Variants in IPCEF1 observed in about 807,000 individuals in gnomAD.
The protein encoded by IPCEF1 is interactor protein for cytohesin exchange factors 1.
In IPCEF1, 31 loss-of-function variants were observed where a neutral mutation model predicts 50.9. That is an observed-to-expected ratio of 0.61 (90% CI 0.46 to 0.82). The LOEUF is 0.82. Among genes scored for constraint, IPCEF1 ranks in the 40% least tolerant of loss-of-function variants. The pLI is 0.00. For missense variants in IPCEF1, 458 were observed against 514.0 expected (o/e 0.89, Z 1.05); for synonymous variants, 181 against 192.0 (o/e 0.94, Z 0.47).
At chr6:154,345,849 A>G (rs1402220429) in intron 1 of IPCEF1, among the ~76,000 whole-genome samples, 3 of 105,908 alleles carry the variant, frequency 2.8e-5, no homozygotes, top group African/African-American at 9.2e-5. Flanking sequence ...ATACACTTTT[A>G]TCTCATTTTT....
intron 1 of IPCEF1, among the ~76,000 whole-genome samples, chr6:154,341,214 G>A (rs571356086): frequency 6.6e-6 from 1 of 152,326 alleles, no homozygotes; most frequent in South Asian, 2.1e-4. Flanking sequence ...GCCCTAAGCA[G>A]TTTCCAGCTT....
chr6:154,297,762 T>C (rs1039013300), intron 1 of IPCEF1, among the ~76,000 whole-genome samples: 1 of 152,340 alleles, frequency 6.6e-6, no homozygotes, highest in African/African-American at 2.4e-5. Flanking sequence ...CATACAGTTT[T>C]GTGTCTGCAA....
At chr6:154,224,294 T>C (rs1329999604) in intron 5 of IPCEF1, among the ~76,000 whole-genome samples, 2 of 152,234 alleles carry the variant, frequency 1.3e-5, no homozygotes, top group African/African-American at 4.8e-5. Context: ...AGAGTGCAAC[T>C]TGCATTCTTT....
At chr6:154,280,234 G>A (rs141700525) in intron 2 of IPCEF1, among the ~76,000 whole-genome samples, 5 of 152,142 alleles carry the variant, frequency 3.3e-5, no homozygotes, top group Non-Finnish European at 2.9e-5. Flanking sequence ...CTGAAAATGC[G>A]TAACAATGGT....
chr6:154,179,382 A>G (rs1014617514), intron 10 of IPCEF1, among the ~76,000 whole-genome samples: 2 of 152,204 alleles, frequency 1.3e-5, no homozygotes, highest in Non-Finnish European at 2.9e-5. Context: ...TTCATAGTAG[A>G]AAACACTACA....
intron 1 of IPCEF1, among the ~76,000 whole-genome samples, chr6:154,342,653 T>C (rs1239332352): frequency 6.6e-6 from 1 of 152,094 alleles, no homozygotes; most frequent in Non-Finnish European, 1.5e-5. Flanking sequence ...CAGGCAAGGC[T>C]GGATTTTGCT....
At chr6:154,281,953 A>C (rs1782224327) in intron 2 of IPCEF1, among the ~76,000 whole-genome samples, 1 of 152,092 alleles carries the variant, frequency 6.6e-6, no homozygotes, top group Non-Finnish European at 1.5e-5. Context: ...GCAATGAGCC[A>C]AGATGGCACC....
At chr6:154,274,664 T>A (rs1314515568) in intron 2 of IPCEF1, among the ~76,000 whole-genome samples, 2 of 152,178 alleles carry the variant, frequency 1.3e-5, no homozygotes, top group Non-Finnish European at 2.9e-5. Context: ...TCTGTGGGAC[T>A]CCTGAACCTG....
intron 1 of IPCEF1, among the ~76,000 whole-genome samples, chr6:154,324,432 A>C (rs1004704190): frequency 3.9e-5 from 6 of 152,116 alleles, no homozygotes; most frequent in East Asian, 1.9e-4. Flanking sequence ...TAAATACATA[A>C]ATAATAAAAA....
chr6:154,295,227 A>G (rs543095043), intron 1 of IPCEF1, among the ~76,000 whole-genome samples: 14 of 152,276 alleles, frequency 9.2e-5, no homozygotes, highest in African/African-American at 3.4e-4. Context: ...GCCAACATTT[A>G]TTAAGCTCTG....
At chr6:154,352,367 G>T (rs1293865544) in intron 1 of IPCEF1, among the ~76,000 whole-genome samples, 1 of 152,052 alleles carries the variant, frequency 6.6e-6, no homozygotes, top group South Asian at 2.1e-4. Context: ...GTGCATGCTG[G>T]GTTTTTGTTT....
chr6:154,339,643 G>A (rs1215260461), intron 1 of IPCEF1, among the ~76,000 whole-genome samples: 1 of 151,842 alleles, frequency 6.6e-6, no homozygotes, highest in Admixed American at 6.6e-5. Flanking sequence ...AGACTGTAGT[G>A]CAGTGGTGCA....
At chr6:154,171,859 T>C (rs1415084557) in intron 10 of IPCEF1, among the ~76,000 whole-genome samples, 1 of 152,176 alleles carries the variant, frequency 6.6e-6, no homozygotes, top group Non-Finnish European at 1.5e-5. Context: ...CTTTTACTTT[T>C]TAAAAAAATA....
chr6:154,223,349 G>T, intron 5 of IPCEF1, 106 bp from the exon 6 acceptor site: 1 of 866,370 alleles, frequency 1.2e-6, no homozygotes, highest in Non-Finnish European at 1.9e-6. Flanking sequence ...ACATGAGGGA[G>T]AATCAAGAGA....
chr6:154,282,177 A>T (rs1032499205), intron 2 of IPCEF1, among the ~76,000 whole-genome samples: 2 of 152,278 alleles, frequency 1.3e-5, no homozygotes, highest in East Asian at 1.9e-4. Flanking sequence ...TCAAAATTAA[A>T]AAATAAATAA....
chr6:154,206,381 C>G (rs1053149584), intron 9 of IPCEF1, among the ~76,000 whole-genome samples: 1 of 152,102 alleles, frequency 6.6e-6, no homozygotes, highest in African/African-American at 2.4e-5. Context: ...ATTTGTGGAA[C>G]AAGAAATTTG....
In IPCEF1 at chr6:154,156,833, T is replaced by A. The variant is rs967421711; in HGVS notation, c.*2995A>T. The A allele has an allele frequency of 2.6e-5, 4 of 152,178 alleles. No individual in the cohort carries two copies. The highest frequency in any genetic ancestry group is 2.0e-4 in the Admixed American group (3 of 15,272). 9.4% of individuals were successfully genotyped at this position (152,178 alleles called of 1,614,324 possible). A position where few individuals can be genotyped will look rare whatever the true frequency, so the allele number is the denominator to read the frequency against. On this transcript the variant is annotated 3_prime_UTR_variant, in exon 12 of 12. Transcript: ENST00000367220. ...GTGAAGGCATCACATCAGGCTCCGT[T>A]CTGGATCTACAGGCTAACAACAGAG...
chr6:154,333,463 A>C (rs1345765759), intron 1 of IPCEF1, among the ~76,000 whole-genome samples: 1 of 151,862 alleles, frequency 6.6e-6, no homozygotes. Context: ...TTTCGGACTC[A>C]AACTGGCTCT....
At chr6:154,225,958 A>T (rs1295835667) in intron 5 of IPCEF1, among the ~76,000 whole-genome samples, 1 of 152,150 alleles carries the variant, frequency 6.6e-6, no homozygotes, top group Non-Finnish European at 1.5e-5. Flanking sequence ...TTGAACTCTA[A>T]GTGACGCTGT....
Sources: gnomAD v4.1 joint callset for allele counts (sites outside exome capture counted in the v4.1 genomes callset) on GRCh38, gnomAD v4.1.1 for gene constraint, MANE v1.5 for transcripts, NCBI Gene and HGNC (gene_info 2026-07-23, HGNC 2026-07-21) for gene names.